Variants in TTC7A observed in about 807,000 individuals in gnomAD.
The protein encoded by TTC7A is tetratricopeptide repeat domain 7A.
In TTC7A, 110 loss-of-function variants were observed where a neutral mutation model predicts 103.7. That is an observed-to-expected ratio of 1.06 (90% confidence interval 0.91 to 1.24). The LOEUF is 1.24. TTC7A is among the 50% of genes most tolerant of loss of function. TTC7A has a pLI of 0.00. For missense variants in TTC7A, 1,340 were observed against 1,116.3 expected (o/e 1.20, Z -2.86); for synonymous variants, 521 against 467.9 (o/e 1.11, Z -1.47).
chr2:46,935,861 G>A (rs1200671649), intron 2 of TTC7A, among the ~76,000 whole-genome samples: 1 of 152,110 alleles, frequency 6.6e-6, no homozygotes, highest in Non-Finnish European at 1.5e-5. Flanking sequence ...AGGCTGAGGT[G>A]GGAGGATTGC....
At position 46,941,863 on chromosome 2, in the gene TTC7A, G is replaced by T; in HGVS notation, c.184+138G>T. On this transcript the variant is annotated intron_variant, in intron 1 of 19. Transcript: ENST00000319190. The surrounding 1 kb of genome is among the most constrained non-coding windows in gnomAD (Gnocchi z 4.2). The stretch of plus-strand genomic sequence containing the variant: ...CGTGCTAGTCTTAAGAGCAGCCAGG[G>T]CAGTTAGGAAGGTCCTTCTGCCGCG... 1.7e-6 allele frequency: 2 copies of T among 1,145,560 alleles called. No homozygotes were observed. The highest frequency in any genetic ancestry group is 2.5e-6 in the Non-Finnish European group (2 of 813,282). 71.0% of individuals were successfully genotyped at this position (1,145,560 alleles called of 1,614,324 possible). A position where few individuals can be genotyped will look rare whatever the true frequency, so the allele number is the denominator to read the frequency against.
chr2:47,044,998 C>T (rs1288606361), intron 15 of TTC7A, among the ~76,000 whole-genome samples: 3 of 152,174 alleles, frequency 2.0e-5, no homozygotes, highest in East Asian at 3.9e-4. Context: ...GGGTAGGGAC[C>T]CTCCGATGGA....
intron 14 of TTC7A, among the ~76,000 whole-genome samples, chr2:47,024,648 C>G (rs1233851178): frequency 6.6e-6 from 1 of 152,102 alleles, no homozygotes; most frequent in Non-Finnish European, 1.5e-5. Flanking sequence ...ACCTGTCACT[C>G]ATTTATTTGT....
chr2:46,952,887 G>T (rs1460326246), intron 2 of TTC7A, among the ~76,000 whole-genome samples: 1 of 152,086 alleles, frequency 6.6e-6, no homozygotes, highest in African/African-American at 2.4e-5. Flanking sequence ...TATACACACA[G>T]ATATTTCTTT....
At chr2:46,990,441 A>C (rs1675510963) in intron 5 of TTC7A, among the ~76,000 whole-genome samples, 1 of 152,208 alleles carries the variant, frequency 6.6e-6, no homozygotes, top group Non-Finnish European at 1.5e-5. Flanking sequence ...GAGGGCTGGT[A>C]GGCGGAAGGT....
intron 5 of TTC7A, among the ~76,000 whole-genome samples, chr2:46,980,386 AT>A (rs749469958): frequency 1.1e-4 from 17 of 152,004 alleles, no homozygotes; most frequent in Non-Finnish European, 2.2e-4. Context: ...CACCTGGCTA[AT>A]TTTTTGTAGA....
At chr2:47,071,489 G>T (rs1051433152) in intron 19 of TTC7A, among the ~76,000 whole-genome samples, 18 of 152,198 alleles carry the variant, frequency 1.2e-4, no homozygotes, top group African/African-American at 3.9e-4. Context: ...CTGCCCCCGC[G>T]GTGATTTTTC....
intron 5 of TTC7A, among the ~76,000 whole-genome samples, chr2:46,986,252 T>G (rs780850768): frequency 8.5e-5 from 13 of 152,114 alleles, no homozygotes; most frequent in Non-Finnish European, 1.6e-4. Context: ...CCTCTTGGGT[T>G]GTTTGGGAAG....
In TTC7A at chr2:47,072,963, G is replaced by T. The variant is rs928370803; in HGVS notation, c.2356-739G>T. On this transcript the variant is annotated intron_variant, in intron 19 of 19. Transcript: ENST00000319190. Reference sequence around the variant, plus strand: ...AGTTCCTCTATCTCTTTGGTAACAGGGTTGTTTGAGCCAAACAGCAGGGCC... The same window carrying T: ...AGTTCCTCTATCTCTTTGGTAACAGTGTTGTTTGAGCCAAACAGCAGGGCC... 4.7e-4 allele frequency among the ~76,000 whole-genome samples: 71 copies of T among 152,226 alleles called. 1 individual carries two copies. Among genetic ancestry groups the T allele is most frequent in the Admixed American group, 3.9e-3 (59 of 15,284 alleles).
intron 15 of TTC7A, among the ~76,000 whole-genome samples, chr2:47,042,664 CCTG>C (rs1389720918): frequency 6.7e-6 from 1 of 149,920 alleles, no homozygotes; most frequent in Non-Finnish European, 1.5e-5. Flanking sequence ...GGTGGTGTGT[CCTG>C]AGCCCCAAGT....
At chr2:46,967,827 A>C (rs1672991871) in intron 3 of TTC7A, among the ~76,000 whole-genome samples, 1 of 151,852 alleles carries the variant, frequency 6.6e-6, no homozygotes, top group African/African-American at 2.4e-5. Flanking sequence ...AAATGTTCTA[A>C]TTTTAACAGA....
At chr2:46,982,649 C>T (rs1674588058) in intron 5 of TTC7A, among the ~76,000 whole-genome samples, 1 of 152,114 alleles carries the variant, frequency 6.6e-6, no homozygotes, top group African/African-American at 2.4e-5. Context: ...ATGTGAACAC[C>T]CACCCACCCA....
chr2:46,977,789 T>C (rs1674021023), intron 4 of TTC7A, among the ~76,000 whole-genome samples: 1 of 152,178 alleles, frequency 6.6e-6, no homozygotes, highest in Admixed American at 6.5e-5. Flanking sequence ...CCCAGGCTGG[T>C]CTGGAACTCC....
At chr2:46,957,161 G>C (rs1394205444) in intron 3 of TTC7A, among the ~76,000 whole-genome samples, 154 bp downstream of exon 3, 1 of 152,180 alleles carries the variant, frequency 6.6e-6, no homozygotes, top group Non-Finnish European at 1.5e-5. Context: ...GGTGGCAACC[G>C]GCCATGTTGA....
rs142810509 is a variant in TTC7A, at chr2:47,021,918, G to A, written c.1449G>A (p.Gly483=). The change falls in exon 12 of 20, where the codon GGG becomes GGA. Residue 483 remains glycine (G), a synonymous_variant. Transcript: ENST00000319190. The part of the protein sequence containing the change: ...MMVISLGEEA[G]EFLPKGYLAL... Reference sequence around the variant, plus strand: ...TGATCAGCCTCGGAGAGGAAGCCGGGGAGTTCCTCCCCAAGGGCTACCTGG... The same window carrying A: ...TGATCAGCCTCGGAGAGGAAGCCGGAGAGTTCCTCCCCAAGGGCTACCTGG... 629 of 1,614,108 alleles carry A rather than the reference G, an allele frequency of 3.9e-4. 1 individual carries two copies. The highest frequency in any genetic ancestry group is 6.6e-4 in the Middle Eastern group (4 of 6,056).
chr2:47,054,485 C>T (rs1057006168), intron 18 of TTC7A, among the ~76,000 whole-genome samples: 1 of 152,136 alleles, frequency 6.6e-6, no homozygotes, highest in Non-Finnish European at 1.5e-5. Flanking sequence ...ATTTGACTGC[C>T]CCTAACTGCC....
intron 11 of TTC7A, among the ~76,000 whole-genome samples, chr2:47,019,532 G>A (rs61430050): frequency 6.6e-6 from 1 of 152,206 alleles, no homozygotes; most frequent in Non-Finnish European, 1.5e-5. Flanking sequence ...TGGACAAGGA[G>A]TGCTACTAAT....
chr2:46,933,750 T>C (rs1189453825), intron 2 of TTC7A, among the ~76,000 whole-genome samples: 1 of 152,222 alleles, frequency 6.6e-6, no homozygotes, highest in Non-Finnish European at 1.5e-5. Context: ...ATGATCTGAG[T>C]GGCTGAAATG....
intron 5 of TTC7A, among the ~76,000 whole-genome samples, chr2:46,985,883 C>A (rs1183449655): frequency 6.6e-6 from 1 of 152,206 alleles, no homozygotes; most frequent in African/African-American, 2.4e-5. Flanking sequence ...CAGGGTTTCT[C>A]AGCCTCAGTA....
Sources: allele counts gnomAD v4.1 joint callset (sites outside exome capture counted in the v4.1 genomes callset), GRCh38; gene constraint gnomAD v4.1.1; non-coding constraint Gnocchi (gnomAD v3.1); transcripts MANE v1.5; gene names NCBI Gene and HGNC (gene_info 2026-07-23, HGNC 2026-07-21).